NUP37: variants seen among roughly 807,000 people sequenced by gnomAD.
NUP37 encodes nucleoporin 37, also known as nucleoporin Nup37.
Under a neutral mutation model 45.4 loss-of-function variants are expected in NUP37, and 33 were observed. That is an observed-to-expected ratio of 0.73 (90% CI 0.55 to 0.97). The LOEUF is 0.97. Among genes scored for constraint, NUP37 ranks in the 50% least tolerant of loss-of-function variants. NUP37 has a pLI of 0.00. For missense variants in NUP37, 365 were observed against 389.7 expected (o/e 0.94, Z 0.53); for synonymous variants, 127 against 130.7 (o/e 0.97, Z 0.19).
rs186718544 is a variant in NUP37 at position 102,084,268 on chromosome 12, G to A, written c.540+1498C>T. Among the ~76,000 whole-genome samples, 150 of 152,308 alleles carry A rather than the reference G, an allele frequency of 9.8e-4. 1 individual carries two copies. Among genetic ancestry groups the A allele is most frequent in the African/African-American group, 3.6e-3 (149 of 41,578 alleles). ...ATGAAATGCTGACTATAGGCCTGGC[G>A]TATGTAAGCACTACGTGCTTGTTAT... On this transcript the variant is annotated intron_variant, in intron 6 of 9. Coordinates refer to ENST00000552283, the MANE Select transcript of NUP37 (RefSeq NM_024057.4).
rs1256904567 is a variant in NUP37, at chr12:102,077,335, T to C, written c.709A>G (p.Ile237Val). ...VAGNDWLIWD[I>V]TRSSYPQNKR... ...TCAAGAAAGTACCTGGACCGAGTAATATCCCAAATTAACCAATCATTTCCT... is the reference window on the plus strand; with the variant it reads ...TCAAGAAAGTACCTGGACCGAGTAACATCCCAAATTAACCAATCATTTCCT... Residue 237 changes from isoleucine (I) to valine (V), a missense_variant, in exon 7 of 10, where the codon ATT (isoleucine) becomes GTT (valine). Physicochemically the swap from Ile to Val is conservative, Grantham distance 29. Coordinates refer to ENST00000552283, the MANE Select transcript of NUP37 (RefSeq NM_024057.4). 1 of 1,613,954 alleles carries C rather than the reference T, an allele frequency of 6.2e-7. No homozygotes were observed. Among genetic ancestry groups the C allele is most frequent in the African/African-American group, 1.3e-5 (1 of 74,916 alleles).
intron 3 of NUP37, 89 bp from the exon 4 acceptor site, chr12:102,101,193 T>A: frequency 1.6e-6 from 1 of 626,542 alleles, no homozygotes; most frequent in Non-Finnish European, 2.8e-6. Context: ...TTCAGATCAC[T>A]GAAGCTTTTA....
chr12:102,104,484 T>G (rs1044729347), intron 3 of NUP37, among the ~76,000 whole-genome samples: 22 of 152,208 alleles, frequency 1.4e-4, no homozygotes, highest in African/African-American at 5.1e-4. Context: ...TTAGTCTCAT[T>G]TGTCTATTTT....
At chr12:102,082,913 G>A (rs1434575666) in intron 6 of NUP37, among the ~76,000 whole-genome samples, 1 of 152,136 alleles carries the variant, frequency 6.6e-6, no homozygotes, top group African/African-American at 2.4e-5. Context: ...AAAAGACCTG[G>A]AATAGTTTGT....
At chr12:102,103,926 T>C (rs574814363) in intron 3 of NUP37, among the ~76,000 whole-genome samples, 35 of 152,186 alleles carry the variant, frequency 2.3e-4, no homozygotes, top group Non-Finnish European at 4.4e-4. Flanking sequence ...GGTGAGAAGA[T>C]GGTGGTCTCT....
intron 5 of NUP37, among the ~76,000 whole-genome samples, chr12:102,089,621 C>G (rs185958249): frequency 1.4e-5 from 2 of 145,752 alleles, no homozygotes; most frequent in African/African-American, 5.2e-5. Flanking sequence ...AGGGCAGAGG[C>G]GCTCCTCACA....
In NUP37 at chr12:102,075,061, G is replaced by A; in HGVS notation, c.807C>T (p.Thr269=). Reference sequence around the variant, plus strand: ...TTGCCATTTTGCCAGGATAACCAGTGGTTGCAAACAGATTTTCACTAATTG... The same window carrying A: ...TTGCCATTTTGCCAGGATAACCAGTAGTTGCAAACAGATTTTCACTAATTG... ...WSTISENLFA[T]TGYPGKMASQ... Residue 269 remains threonine (T), a synonymous_variant, in exon 9 of 10, where the codon ACC becomes ACT. Transcript: ENST00000552283. 1 of 1,611,062 alleles carries A rather than the reference G, an allele frequency of 6.2e-7. No homozygotes were observed. Among genetic ancestry groups the A allele is most frequent in the Non-Finnish European group, 8.5e-7 (1 of 1,178,136 alleles).
chr12:102,089,187 A>G (rs1325550380), intron 5 of NUP37, among the ~76,000 whole-genome samples: 2 of 150,178 alleles, frequency 1.3e-5, no homozygotes, highest in Non-Finnish European at 3.0e-5. Flanking sequence ...CAAAACCGCC[A>G]TCGTCATCAT....
At chr12:102,078,605 G>A (rs1401465082) in intron 6 of NUP37, among the ~76,000 whole-genome samples, 1 of 152,202 alleles carries the variant, frequency 6.6e-6, no homozygotes, top group East Asian at 1.9e-4. Flanking sequence ...CTTATAAGCT[G>A]AGTGACTGCC....
intron 6 of NUP37, among the ~76,000 whole-genome samples, chr12:102,080,356 A>C (rs1879297467): frequency 6.6e-6 from 1 of 152,214 alleles, no homozygotes; most frequent in Non-Finnish European, 1.5e-5. Flanking sequence ...TGGGAAATAG[A>C]AACTGCAGTG....
At chr12:102,090,005 T>C (rs1470551698) in intron 5 of NUP37, among the ~76,000 whole-genome samples, 1 of 152,174 alleles carries the variant, frequency 6.6e-6, no homozygotes, top group Non-Finnish European at 1.5e-5. Context: ...GGCATGGAAT[T>C]GCTGGATCAC....
intron 6 of NUP37, among the ~76,000 whole-genome samples, chr12:102,082,749 C>T (rs1879364455): frequency 6.6e-6 from 1 of 152,042 alleles, no homozygotes; most frequent in Non-Finnish European, 1.5e-5. Flanking sequence ...TTCTAAGACT[C>T]TTAGTCTAGT....
intron 5 of NUP37, among the ~76,000 whole-genome samples, chr12:102,090,980 A>T (rs1184212835): frequency 6.6e-6 from 1 of 152,222 alleles, no homozygotes; most frequent in Admixed American, 6.5e-5. Context: ...AAAAGAAAAA[A>T]ATTCAAAATT....
chr12:102,099,974 T>C (rs1029379819), intron 4 of NUP37, among the ~76,000 whole-genome samples: 2 of 151,744 alleles, frequency 1.3e-5, no homozygotes, highest in African/African-American at 4.8e-5. Flanking sequence ...TGTAGAAATG[T>C]AATATTAAAA....
intron 5 of NUP37, among the ~76,000 whole-genome samples, chr12:102,095,800 G>GT (rs900209145): frequency 6.6e-6 from 1 of 151,922 alleles, no homozygotes; most frequent in African/African-American, 2.4e-5. Flanking sequence ...TAATTTCATT[G>GT]TATTACTACT....
Position 102,074,307 on chromosome 12 carries a change from A to G in NUP37, c.*47T>C. 1 of 1,136,962 alleles carries G rather than the reference A, an allele frequency of 8.8e-7. No individual in the cohort carries two copies. Among genetic ancestry groups the G allele is most frequent in the Non-Finnish European group, 1.3e-6 (1 of 766,032 alleles). The allele number at this position is 1,136,962 out of a possible 1,614,324, so 70.4% of individuals were successfully genotyped here. ...ATGTACTATAGAAATTCTTCAAAAT[A>G]TGTACTAAAAATACAAAGTTTGTGA... On this transcript the variant is annotated 3_prime_UTR_variant, in exon 10 of 10. Coordinates refer to ENST00000552283, the MANE Select transcript of NUP37 (RefSeq NM_024057.4).
At chr12:102,076,357 AT>A (rs1879166503) in intron 8 of NUP37, among the ~76,000 whole-genome samples, 1 of 152,250 alleles carries the variant, frequency 6.6e-6, no homozygotes, top group Non-Finnish European at 1.5e-5. Context: ...ACAATGGAGT[AT>A]TATGAAAAAG....
intron 6 of NUP37, among the ~76,000 whole-genome samples, chr12:102,083,253 CTG>C (rs911725142): frequency 5.3e-5 from 8 of 152,286 alleles, no homozygotes; most frequent in African/African-American, 1.2e-4. Context: ...TTGGTAGAAA[CTG>C]TGTGTTTTAA....
chr12:102,105,154 G>C lies in NUP37; in HGVS notation c.282-4050C>G, dbSNP rs957295690. Among the ~76,000 whole-genome samples, 6 of 152,270 alleles carry C rather than the reference G, an allele frequency of 3.9e-5. No homozygotes were observed. The East Asian group carries it at 5.8e-4, about 15-fold the overall frequency. ...AGTCTTTGGCTTCGTTGGTTGTCTA[G>C]TGAGGGTTTATATGAAAGGGGATAC... is the stretch of plus-strand genomic sequence containing the variant. On this transcript the variant is annotated intron_variant, in intron 3 of 9. Coordinates refer to ENST00000552283, the MANE Select transcript of NUP37 (RefSeq NM_024057.4).
Sources: allele counts gnomAD v4.1 joint callset (sites outside exome capture counted in the v4.1 genomes callset), GRCh38; gene constraint gnomAD v4.1.1; transcripts MANE v1.5; gene names NCBI Gene and HGNC (gene_info 2026-07-23, HGNC 2026-07-21).